The following ADGRL3 variants were observed in gnomAD, a reference collection of about 807,000 sequenced individuals.
ADGRL3 encodes the protein calcium-independent alpha-latrotoxin receptor 3.
ADGRL3 carries 62 observed loss-of-function variants against 153.5 expected under a neutral mutation model. That is an observed-to-expected ratio of 0.40 (90% CI 0.33 to 0.50). The LOEUF is 0.50. Ranked by LOEUF, ADGRL3 falls within the 20% of genes least tolerant of loss-of-function variation. The pLI, the probability that ADGRL3 is intolerant of heterozygous loss-of-function variation, is 0.47. For missense variants in ADGRL3, 1,641 were observed against 1,859.4 expected, an observed-to-expected ratio of 0.88 and a Z score of 2.16; for synonymous variants, 710 against 672.5, an observed-to-expected ratio of 1.06 and a Z score of -0.86.
intron 5 of ADGRL3, among the ~76,000 whole-genome samples, chr4:61,659,156 T>C (rs1315160802): frequency 5.9e-5 from 9 of 152,160 alleles, no homozygotes; most frequent in Non-Finnish European, 2.9e-5. Flanking sequence ...CCTCTTCTTA[T>C]AAGGACACTG....
At chr4:61,527,621 G>A (rs956773179) in intron 4 of ADGRL3, among the ~76,000 whole-genome samples, 7 of 152,150 alleles carry the variant, frequency 4.6e-5, no homozygotes, top group Non-Finnish European at 2.9e-5. Context: ...TTTTGTTGTA[G>A]TTCAGAGAAT....
At chr4:61,805,301 G>A (rs562762822) in intron 8 of ADGRL3, among the ~76,000 whole-genome samples, 103 of 152,180 alleles carry the variant, frequency 6.8e-4, no homozygotes, top group Non-Finnish European at 1.3e-3. Context: ...GCTACTGAAT[G>A]TTTTCTGATC....
intron 1 of ADGRL3, among the ~76,000 whole-genome samples, chr4:61,369,060 G>A (rs1233050802): frequency 2.0e-5 from 3 of 152,162 alleles, no homozygotes; most frequent in African/African-American, 7.2e-5. Context: ...GAATGCTTGT[G>A]ATTTGTGCAC....
intron 1 of ADGRL3, among the ~76,000 whole-genome samples, chr4:61,247,007 C>A (rs987415206): frequency 1.3e-5 from 2 of 152,018 alleles, no homozygotes; most frequent in South Asian, 4.1e-4. Flanking sequence ...ATCTTCCAAG[C>A]AAACATGATA....
In ADGRL3 at chr4:61,788,572, T is replaced by C. The variant is rs540973359; in HGVS notation, c.1400-25237T>C. On this transcript the variant is annotated intron_variant, in intron 8 of 26. Coordinates refer to ENST00000683033, the MANE Select transcript of ADGRL3 (RefSeq NM_001387552.1). ...CCAAGATCTTTCCTTTGACATAATC[T>C]ACCCCAATGAGAAAGAACCCAGAAA... 2.6e-5 allele frequency among the ~76,000 whole-genome samples: 4 copies of C among 152,222 alleles called. No individual in the cohort carries two copies. In the East Asian group the frequency reaches 7.7e-4, roughly 29 times the overall value.
At chr4:61,847,465 A>T (rs2098130374) in intron 9 of ADGRL3, among the ~76,000 whole-genome samples, 4 of 148,194 alleles carry the variant, frequency 2.7e-5, no homozygotes, top group Admixed American at 2.1e-4. Context: ...GGGGCAGGGT[A>T]TGTGTGTACT....
chr4:62,042,073 T>C (rs537559329), intron 24 of ADGRL3, among the ~76,000 whole-genome samples: 2 of 152,040 alleles, frequency 1.3e-5, no homozygotes, highest in South Asian at 2.1e-4. Context: ...AAAGAGAGCA[T>C]AGAAAAAATT....
At chr4:61,525,172 T>C (rs890945075) in intron 4 of ADGRL3, among the ~76,000 whole-genome samples, 1 of 151,996 alleles carries the variant, frequency 6.6e-6, no homozygotes, top group African/African-American at 2.4e-5. Flanking sequence ...ATTCCTGGTA[T>C]GAGATGGAGA....
intron 1 of ADGRL3, among the ~76,000 whole-genome samples, chr4:61,322,934 G>A (rs997670909): frequency 2.0e-5 from 3 of 152,184 alleles, no homozygotes; most frequent in African/African-American, 7.2e-5. Context: ...CTTCCCTTCT[G>A]CAATGCCCTA....
intron 10 of ADGRL3, among the ~76,000 whole-genome samples, chr4:61,895,097 C>T (rs2098619833): frequency 6.6e-6 from 1 of 152,146 alleles, no homozygotes; most frequent in Non-Finnish European, 1.5e-5. Flanking sequence ...GACTCAACTG[C>T]TACCTTGCCT....
chr4:61,526,491 C>T (rs1007480571), intron 4 of ADGRL3, among the ~76,000 whole-genome samples: 10 of 151,800 alleles, frequency 6.6e-5, no homozygotes, highest in African/African-American at 2.4e-4. Flanking sequence ...AAGACTAATA[C>T]ACTTGGCTGG....
chr4:61,440,860 G>T (rs547566861), intron 2 of ADGRL3, among the ~76,000 whole-genome samples: 2 of 152,230 alleles, frequency 1.3e-5, no homozygotes, highest in Middle Eastern at 6.8e-3. Context: ...TTAACTGTTT[G>T]ATATTGGAAT....
At chr4:61,262,683 G>GA (rs2092610052) in intron 1 of ADGRL3, among the ~76,000 whole-genome samples, 1 of 151,822 alleles carries the variant, frequency 6.6e-6, no homozygotes, top group Non-Finnish European at 1.5e-5. Flanking sequence ...TATCTTAACA[G>GA]AAAAAAGAAA....
chr4:61,554,801 T>G (rs113085152), intron 4 of ADGRL3, among the ~76,000 whole-genome samples: 4 of 152,254 alleles, frequency 2.6e-5, no homozygotes, highest in African/African-American at 9.6e-5. Flanking sequence ...GGAAAACAGA[T>G]TGACGGAAGT....
intron 4 of ADGRL3, among the ~76,000 whole-genome samples, chr4:61,554,155 C>T (rs2098753964): frequency 8.5e-6 from 1 of 117,656 alleles, no homozygotes; most frequent in South Asian, 3.1e-4. Flanking sequence ...TAAAAAATGT[C>T]TCTCCTAACT....
intron 2 of ADGRL3, among the ~76,000 whole-genome samples, chr4:61,433,014 C>A (rs560146446): frequency 2.6e-5 from 4 of 152,008 alleles, no homozygotes; most frequent in Admixed American, 6.6e-5. Context: ...ATGCATAGAA[C>A]AGAGAAATAA....
intron 1 of ADGRL3, among the ~76,000 whole-genome samples, chr4:61,297,612 C>T (rs1443852623): frequency 6.6e-6 from 1 of 151,382 alleles, no homozygotes; most frequent in Non-Finnish European, 1.5e-5. Flanking sequence ...TAATTGAAGG[C>T]ACAAGGTATC....
chr4:61,793,957 G>A (rs2097374944), intron 8 of ADGRL3, among the ~76,000 whole-genome samples: 1 of 151,998 alleles, frequency 6.6e-6, no homozygotes, highest in Non-Finnish European at 1.5e-5. Flanking sequence ...TAGATTTAAA[G>A]TACATTAGAA....
intron 9 of ADGRL3, among the ~76,000 whole-genome samples, chr4:61,857,865 A>ACCATTC (rs1341520578): frequency 2.0e-5 from 3 of 152,074 alleles, no homozygotes; most frequent in Admixed American, 6.5e-5. Flanking sequence ...GGCAAGCACC[A>ACCATTC]CCATTCCCAC....
Sources: gnomAD v4.1 joint callset for allele counts (sites outside exome capture counted in the v4.1 genomes callset) on GRCh38, gnomAD v4.1.1 for gene constraint, MANE v1.5 for transcripts, NCBI Gene and HGNC (gene_info 2026-07-23, HGNC 2026-07-21) for gene names.